Variants in PIK3C2G observed in about 807,000 individuals in gnomAD.
PIK3C2G encodes phosphatidylinositol-4-phosphate 3-kinase catalytic subunit type 2 gamma, also known as phosphatidylinositol 3-kinase C2 domain-containing subunit gamma.
In PIK3C2G, 168 loss-of-function variants were observed where a neutral mutation model predicts 181.1. The observed-to-expected ratio is 0.93, with a 90% CI of 0.82 to 1.05. The LOEUF is 1.05. Ranked by LOEUF, PIK3C2G falls within the 50% of genes least tolerant of loss-of-function variation. The probability of loss-of-function intolerance (pLI) is 0.00; values close to 1 mark genes in which losing one functional copy is unlikely to be tolerated. For synonymous variants in PIK3C2G, 573 were observed against 592.2 expected, an observed-to-expected ratio of 0.97 and a Z score of 0.47; for missense variants, 1,869 against 1,732.8, an observed-to-expected ratio of 1.08 and a Z score of -1.40.
chr12:18,660,423 G>A, the PIK3C2G span, among the ~76,000 whole-genome samples: 1 of 152,150 alleles, frequency 6.6e-6, no homozygotes, highest in Non-Finnish European at 1.5e-5. Flanking sequence ...CAGCTGAAGT[G>A]AGATCCAGGG....
chr12:18,697,555 T>A, the PIK3C2G span, among the ~76,000 whole-genome samples: 1 of 152,136 alleles, frequency 6.6e-6, no homozygotes, highest in African/African-American at 2.4e-5. Context: ...AAAATAAACA[T>A]GTTTGTTATT....
chr12:18,494,386 ATG>A (rs143429375), intron 20 of PIK3C2G, among the ~76,000 whole-genome samples: 2 of 151,660 alleles, frequency 1.3e-5, no homozygotes, highest in East Asian at 1.9e-4. Context: ...TCAACTTAAT[ATG>A]TGTGTGTGTG....
intron 13 of PIK3C2G, among the ~76,000 whole-genome samples, chr12:18,371,647 G>T (rs979221737): frequency 6.6e-6 from 1 of 152,160 alleles, no homozygotes; most frequent in Admixed American, 6.5e-5. Flanking sequence ...CATTTAGAAA[G>T]AATGTAAGTC....
Position 18,282,643 on chromosome 12 carries a change from C to G in PIK3C2G, c.562C>G (p.Pro188Ala). The G allele has an allele frequency of 2.5e-6, 4 of 1,613,062 alleles. No homozygotes were observed. Among genetic ancestry groups the G allele is most frequent in the Non-Finnish European group, 3.4e-6 (4 of 1,179,160 alleles). ...TNSSFSSDFM[P>A]KEENKRSGHV... ...TTCATCCTTCTCAAGTGACTTCATG[C>G]CGAAAGAAGAGAATAAAAGGAGTGG... The change falls in exon 2 of 33, where the codon CCG (proline) becomes GCG (alanine). Residue 188 changes from proline to alanine, a missense_variant. Coordinates refer to ENST00000538779, the MANE Select transcript of PIK3C2G (RefSeq NM_001288772.2).
chr12:18,367,896 CA>C (rs1941755810), intron 12 of PIK3C2G, among the ~76,000 whole-genome samples: 1 of 152,100 alleles, frequency 6.6e-6, no homozygotes, highest in Non-Finnish European at 1.5e-5. Context: ...ACTTGACTCA[CA>C]GTTACACATG....
intron 26 of PIK3C2G, among the ~76,000 whole-genome samples, chr12:18,558,587 C>T (rs1247335709): frequency 6.6e-6 from 1 of 152,180 alleles, no homozygotes; most frequent in Non-Finnish European, 1.5e-5. Flanking sequence ...GTGTCAGCCA[C>T]ACTGCTGCTC....
intron 18 of PIK3C2G, among the ~76,000 whole-genome samples, chr12:18,425,937 T>A (rs1465442573): frequency 6.6e-6 from 1 of 152,232 alleles, no homozygotes; most frequent in Non-Finnish European, 1.5e-5. Context: ...ACTAATTGGA[T>A]AAATAACTTG....
At chr12:18,296,158 C>T (rs1464715132) in intron 5 of PIK3C2G, among the ~76,000 whole-genome samples, 1 of 151,828 alleles carries the variant, frequency 6.6e-6, no homozygotes, top group Non-Finnish European at 1.5e-5. Context: ...TAGTTAAGAC[C>T]CTATATTTCT....
chr12:18,372,194 T>C (rs1329698426), intron 13 of PIK3C2G, among the ~76,000 whole-genome samples: 1 of 151,980 alleles, frequency 6.6e-6, no homozygotes, highest in Non-Finnish European at 1.5e-5. Context: ...AAGCTGTGTG[T>C]ATGTGTGTGT....
At chr12:18,693,945 T>A in the PIK3C2G span, 8 of 1,519,828 alleles carry the variant, frequency 5.3e-6, no homozygotes, top group East Asian at 1.4e-4. Context: ...AAAGATGACC[T>A]CTCTGGTGCT....
chr12:18,325,200 A>T, intron 8 of PIK3C2G, 102 bp downstream of exon 8: 1 of 598,144 alleles, frequency 1.7e-6, no homozygotes, highest in South Asian at 2.2e-5. Context: ...AAAAATGAAT[A>T]AAACAGAGGA....
At chr12:18,689,772 C>T in the PIK3C2G span, among the ~76,000 whole-genome samples, 1 of 152,144 alleles carries the variant, frequency 6.6e-6, no homozygotes, top group African/African-American at 2.4e-5. Context: ...TCTCAGATTG[C>T]AGGTGACGAA....
intron 1 of PIK3C2G, among the ~76,000 whole-genome samples, chr12:18,277,063 T>A (rs1402816964): frequency 1.3e-5 from 2 of 152,184 alleles, no homozygotes; most frequent in Non-Finnish European, 2.9e-5. Context: ...TATCAGAGCT[T>A]ATGTAAATAG....
chr12:18,699,523 G>A, the PIK3C2G span, among the ~76,000 whole-genome samples: 2 of 151,994 alleles, frequency 1.3e-5, no homozygotes, highest in African/African-American at 4.8e-5. Context: ...TATACAAGCT[G>A]CTCACCACAG....
At chr12:18,245,083 A>G (rs941708838), upstream of PIK3C2G, among the ~76,000 whole-genome samples, 7 of 152,140 alleles carry the variant, frequency 4.6e-5, 1 homozygote, top group Non-Finnish European at 1.5e-5. Flanking sequence ...ACTGAAAAAT[A>G]CTTTAAGAGA....
chr12:18,492,276 T>C (rs1592396618), intron 20 of PIK3C2G, among the ~76,000 whole-genome samples: 1 of 152,314 alleles, frequency 6.6e-6, no homozygotes. Flanking sequence ...TAAGCTATCA[T>C]GCACGGACAA....
chr12:18,646,742 T>C (rs958989896), intron 32 of PIK3C2G, among the ~76,000 whole-genome samples: 3 of 152,126 alleles, frequency 2.0e-5, no homozygotes, highest in African/African-American at 7.2e-5. Flanking sequence ...CTAAGACATT[T>C]CCCTGGTAAC....
At chr12:18,639,161 C>T (rs1015307469) in intron 31 of PIK3C2G, among the ~76,000 whole-genome samples, 65 of 151,536 alleles carry the variant, frequency 4.3e-4, no homozygotes, top group African/African-American at 1.5e-3. Flanking sequence ...TATATTTTAT[C>T]TTATTTGTTA....
At chr12:18,520,225 G>A (rs925209043) in intron 24 of PIK3C2G, among the ~76,000 whole-genome samples, 2 of 151,982 alleles carry the variant, frequency 1.3e-5, no homozygotes, top group African/African-American at 4.8e-5. Flanking sequence ...GATTGTCTTA[G>A]TGGTGTCCTC....
Sources: allele counts gnomAD v4.1 joint callset (sites outside exome capture counted in the v4.1 genomes callset), GRCh38; gene constraint gnomAD v4.1.1; transcripts MANE v1.5; gene names NCBI Gene and HGNC (gene_info 2026-07-23, HGNC 2026-07-21).